The following CAMSAP1 variants were observed in gnomAD, a reference collection of about 807,000 sequenced individuals.
CAMSAP1 encodes calmodulin-regulated spectrin-associated protein 1.
A neutral mutation model predicts 143.5 loss-of-function variants in CAMSAP1; 58 were observed. That is an observed-to-expected ratio of 0.40 (90% CI 0.33 to 0.50). The LOEUF is 0.50. Ranked by LOEUF, CAMSAP1 falls within the 20% of genes least tolerant of loss-of-function variation. The pLI, the probability that CAMSAP1 is intolerant of heterozygous loss-of-function variation, is 0.45. For synonymous variants in CAMSAP1, 945 were observed against 859.3 expected (o/e 1.10, Z -1.74); for missense variants, 1,969 against 2,115.7 (o/e 0.93, Z 1.36).
chr9:135,860,185 C>G (rs1837132391), intron 5 of CAMSAP1, among the ~76,000 whole-genome samples: 1 of 152,044 alleles, frequency 6.6e-6, no homozygotes, highest in African/African-American at 2.4e-5. Flanking sequence ...GAACCATGAT[C>G]ACACCACTGC....
intron 7 of CAMSAP1, among the ~76,000 whole-genome samples, chr9:135,835,103 T>C (rs144094242): frequency 6.1e-4 from 93 of 152,074 alleles, no homozygotes; most frequent in Middle Eastern, 6.8e-3. Context: ...ATGTGTCCAT[T>C]TGGGAGGACC....
At chr9:135,861,875 TCA>T (rs1309356773) in intron 5 of CAMSAP1, among the ~76,000 whole-genome samples, 2 of 152,176 alleles carry the variant, frequency 1.3e-5, no homozygotes, top group African/African-American at 4.8e-5. Flanking sequence ...CTGGTGACAG[TCA>T]CTCTCTCTCT....
At position 135,823,124 on chromosome 9, in the gene CAMSAP1, G is replaced by A. The variant is rs1361177910; in HGVS notation, c.1537C>T (p.Pro513Ser). The A allele has an allele frequency of 1.2e-6, 2 of 1,613,968 alleles. No homozygotes were observed. The highest frequency in any genetic ancestry group is 2.2e-5 in the East Asian group (1 of 44,874). Residue 513 changes from proline (P) to serine (S), a missense_variant, in exon 11 of 17, where the codon CCA (proline) becomes TCA (serine). By Grantham distance (74) the Pro-to-Ser change is moderately conservative. Around this residue, in one of 4 missense-constraint regions of CAMSAP1, gnomAD observed 1,390 missense variants for 1,420.8 expected, o/e 0.98. Transcript: ENST00000389532. ...GCCGTGGGGTGTGGCTGGTTCTGTG[G>A]GGTCAGATTAACAATGTTGGATGCC... ...SLASNIVNLT[P>S]QNQPHPTATK...
chr9:135,818,784 G>T lies in CAMSAP1; in HGVS notation c.3960-168C>A. ...CAGAGGCTGCAAAGGCAGTCCTGCA[G>T]ATGACCCACCGAGGCCACACAGCCT... On this transcript the variant is annotated intron_variant, in intron 12 of 16. Coordinates refer to ENST00000389532, the MANE Select transcript of CAMSAP1 (RefSeq NM_015447.4). The surrounding 1 kb of genome is among the most constrained non-coding windows in gnomAD (Gnocchi z 7.7). The T allele has an allele frequency of 9.4e-7, 1 of 1,066,264 alleles. No homozygotes were observed. The highest frequency in any genetic ancestry group is 1.3e-6 in the Non-Finnish European group (1 of 754,758). The allele number at this position is 1,066,264 out of a possible 1,614,324, so 66.1% of individuals were successfully genotyped here.
rs1834973451 is a variant in CAMSAP1, at chr9:135,809,716, T to C, written c.*1593A>G. ...GTAACAGAAAGCTCACTCAGGACTG[T>C]GTAACTCAGCACTTGAGAAATCATA... On this transcript the variant is annotated 3_prime_UTR_variant, in exon 17 of 17. Transcript: ENST00000389532. 1 of 152,628 alleles carries C rather than the reference T, an allele frequency of 6.6e-6. No homozygotes were observed. The allele number at this position is 152,628 out of a possible 1,614,324, so 9.5% of individuals were successfully genotyped here. A position where few individuals can be genotyped will look rare whatever the true frequency, so the allele number is the denominator to read the frequency against.
rs1837384004 is a variant in CAMSAP1, at chr9:135,866,488, G to T, written c.634C>A (p.Gln212Lys). The T allele has an allele frequency of 6.8e-7, 1 of 1,480,840 alleles. No individual in the cohort carries two copies. The highest frequency in any genetic ancestry group is 9.2e-7 in the Non-Finnish European group (1 of 1,082,670). 91.7% of individuals were successfully genotyped at this position (1,480,840 alleles called of 1,614,324 possible). ...TGAGCTGGACTTTCCAATAACTGTT[G>T]TTTTAATTTAACTTCTTTCTCTGTT... is the stretch of plus-strand genomic sequence containing the variant. ...EITEKEVKLKQQLLESPAHQK... is the reference protein window; with the variant it reads ...EITEKEVKLKKQLLESPAHQK... Residue 212 changes from glutamine (Q) to lysine (K), a missense_variant, in exon 4 of 17, where the codon CAA (glutamine) becomes AAA (lysine). By Grantham distance (53) the Gln-to-Lys change is moderately conservative (BLOSUM62 1). Around this residue, in one of 4 missense-constraint regions of CAMSAP1, gnomAD observed 221 missense variants for 298.2 expected, o/e 0.74. Transcript: ENST00000389532.
intron 3 of CAMSAP1, among the ~76,000 whole-genome samples, chr9:135,868,410 CATGTT>C (rs1170706280): frequency 5.3e-5 from 8 of 152,014 alleles, no homozygotes; most frequent in Admixed American, 5.2e-4. Flanking sequence ...CATTTGCAAA[CATGTT>C]AAGACATCAT....
intron 11 of CAMSAP1, among the ~76,000 whole-genome samples, chr9:135,819,719 C>T (rs2131649772): frequency 6.7e-6 from 1 of 150,022 alleles, no homozygotes; most frequent in African/African-American, 2.5e-5. Flanking sequence ...TGGTGGCACA[C>T]GCCTGTAATC....
At chr9:135,840,386 G>A (rs1836296173) in intron 7 of CAMSAP1, among the ~76,000 whole-genome samples, 1 of 152,088 alleles carries the variant, frequency 6.6e-6, no homozygotes, top group Non-Finnish European at 1.5e-5. Flanking sequence ...CATTCCTAAG[G>A]ACCAGCAGGC....
At chr9:135,866,045 G>T (rs1296377090) in intron 4 of CAMSAP1, among the ~76,000 whole-genome samples, 1 of 152,222 alleles carries the variant, frequency 6.6e-6, no homozygotes, top group African/African-American at 2.4e-5. Flanking sequence ...CAGAATCATG[G>T]CACAGGCACA....
At chr9:135,881,906 C>A (rs2130984476) in intron 2 of CAMSAP1, 112 bp from the exon 3 acceptor site, 1 of 1,287,876 alleles carries the variant, frequency 7.8e-7, no homozygotes, top group East Asian at 2.5e-5. Flanking sequence ...CATCCCTCGC[C>A]CTTTCCGTCT....
intron 10 of CAMSAP1, 149 bp downstream of exon 10, chr9:135,823,800 TC>T (rs1317638989): frequency 7.6e-6 from 5 of 655,610 alleles, no homozygotes; most frequent in Non-Finnish European, 1.1e-5. Context: ...GGCAGTAACT[TC>T]CTAGTGTTGT....
chr9:135,840,112 G>A (rs1211948050), intron 7 of CAMSAP1, among the ~76,000 whole-genome samples: 1 of 152,196 alleles, frequency 6.6e-6, no homozygotes, highest in Non-Finnish European at 1.5e-5. Flanking sequence ...GGAAGGGCCA[G>A]CAGTTCACTT....
intron 1 of CAMSAP1, among the ~76,000 whole-genome samples, chr9:135,890,525 A>G (rs576083913): frequency 6.6e-6 from 1 of 152,236 alleles, no homozygotes; most frequent in Non-Finnish European, 1.5e-5. Context: ...TCTAAGGACA[A>G]AATCTGGACT....
chr9:135,816,033 G>A (rs1364323381), intron 14 of CAMSAP1, 28 bp from the exon 15 acceptor site: 15 of 1,603,292 alleles, frequency 9.4e-6, no homozygotes, highest in Non-Finnish European at 1.3e-5. Context: ...CAAGAGACAG[G>A]CAGGTGAAGC....
intron 1 of CAMSAP1, among the ~76,000 whole-genome samples, chr9:135,906,261 G>A (rs539949849): frequency 6.6e-6 from 1 of 152,200 alleles, no homozygotes; most frequent in Non-Finnish European, 1.5e-5. Flanking sequence ...AATATTTTAA[G>A]AATGCTTCAA....
chr9:135,907,014 T>G lies in CAMSAP1; in HGVS notation c.146A>C (p.Lys49Thr). The part of the protein sequence containing the change: ...IAANLQWICA[K>T]AYGRDNIPED... Reference sequence around the variant, plus strand: ...ACCCGGCCCACCTCGGCCGTAGGCCTTGGCGCAGATCCACTGCAGGTTGGC... The same window carrying G: ...ACCCGGCCCACCTCGGCCGTAGGCCGTGGCGCAGATCCACTGCAGGTTGGC... The change falls in exon 1 of 17, where the codon AAG becomes ACG. Residue 49 changes from lysine (K) to threonine (T), a missense_variant. Physicochemically the swap from Lys to Thr is moderately conservative, Grantham distance 78. This residue lies in a region of CAMSAP1 where 215 missense variants were observed against 196.2 expected (regional missense o/e 1.10). Transcript: ENST00000389532. 1 of 1,152,492 alleles carries G rather than the reference T, an allele frequency of 8.7e-7. No individual in the cohort carries two copies. 71.4% of individuals were successfully genotyped at this position (1,152,492 alleles called of 1,614,324 possible).
At chr9:135,830,172 G>C (rs916000546) in intron 7 of CAMSAP1, among the ~76,000 whole-genome samples, 3 of 152,112 alleles carry the variant, frequency 2.0e-5, no homozygotes, top group Non-Finnish European at 4.4e-5. Flanking sequence ...AGAACTGTTA[G>C]ACAAAACAGT....
At chr9:135,828,329 G>A (rs1835746998) in intron 7 of CAMSAP1, among the ~76,000 whole-genome samples, 1 of 152,256 alleles carries the variant, frequency 6.6e-6, no homozygotes, top group Non-Finnish European at 1.5e-5. Context: ...ACTAGGTGAT[G>A]TGTTGTGAAC....
Sources: gnomAD v4.1 joint callset for allele counts (sites outside exome capture counted in the v4.1 genomes callset) on GRCh38, gnomAD v4.1.1 for gene constraint, gnomAD v4.1.1 regional missense constraint, Gnocchi (gnomAD v3.1) non-coding constraint, MANE v1.5 for transcripts, NCBI Gene and HGNC (gene_info 2026-07-23, HGNC 2026-07-21) for gene names.